The following PCDH15 variants were observed in gnomAD, a reference collection of about 807,000 sequenced individuals.
The protein encoded by PCDH15 is protocadherin related 15, also known as protocadherin-15.
In PCDH15, 129 loss-of-function variants were observed where a neutral mutation model predicts 178.5. That is an observed-to-expected ratio of 0.72 (90% confidence interval 0.63 to 0.84). The LOEUF is 0.84. PCDH15 is among the 40% of genes least tolerant of loss of function. The pLI is 0.00. For missense variants in PCDH15, 2,230 were observed against 2,099.9 expected, an observed-to-expected ratio of 1.06 and a Z score of -1.21; for synonymous variants, 800 against 732.0, an observed-to-expected ratio of 1.09 and a Z score of -1.50.
intron 2 of PCDH15, among the ~76,000 whole-genome samples, chr10:54,946,725 G>A (rs1838208178): frequency 6.6e-6 from 1 of 151,806 alleles, no homozygotes. Flanking sequence ...GTAAATTTAA[G>A]CACTTTACAA....
chr10:53,810,239 G>T (rs1429497758), intron 37 of PCDH15, among the ~76,000 whole-genome samples: 1 of 152,104 alleles, frequency 6.6e-6, no homozygotes, highest in African/African-American at 2.4e-5. Flanking sequence ...AGTAACCTTT[G>T]TATTGCAGAA....
intron 18 of PCDH15, among the ~76,000 whole-genome samples, chr10:54,025,609 C>T (rs1175136322): frequency 6.6e-6 from 1 of 151,820 alleles, no homozygotes; most frequent in African/African-American, 2.4e-5. Flanking sequence ...AGCAATTCTC[C>T]TGCCTCAGCC....
At position 53,866,639 on chromosome 10, in the gene PCDH15, T is replaced by TA. The variant is rs1248401224; in HGVS notation, c.3717+2dup. 3 of 1,612,460 alleles carry TA rather than the reference T, an allele frequency of 1.9e-6. No individual in the cohort carries two copies. In the Admixed American group the frequency reaches 5.0e-5, roughly 27 times the overall value. On this transcript the variant is annotated splice_region_variant and intron_variant, in intron 27 of 37. Transcript: ENST00000644397. ...TCCCTTTCCTGAAGTTTTATCTACT[T>TA]ACGAGTACATCGGCTTTGCCGCTCA...
chr10:53,965,851 CT>C lies in PCDH15; in HGVS notation c.2869-3960del, dbSNP rs533988811. Among the ~76,000 whole-genome samples, 4 of 110,254 alleles carry C rather than the reference CT, an allele frequency of 3.6e-5. No homozygotes were observed. In the Admixed American group the frequency reaches 4.7e-4, roughly 13 times the overall value. 72.3% of individuals were successfully genotyped at this position (110,254 alleles called of 152,430 possible). ...ATAAGTTAATTATACTTAGAATCTT[CT>C]TTTTAATAAAGCCAAAATTTTTTTT... On this transcript the variant is annotated intron_variant, in intron 21 of 37. Coordinates refer to ENST00000644397, the MANE Select transcript of PCDH15 (RefSeq NM_001384140.1).
chr10:55,046,885 A>G lies in PCDH15; in HGVS notation c.-80+119691T>C, dbSNP rs1165942821. Among the ~76,000 whole-genome samples, 9 of 152,136 alleles carry G rather than the reference A, an allele frequency of 5.9e-5. No homozygotes were observed. The East Asian group carries it at 1.7e-3, about 29-fold the overall frequency. On this transcript the variant is annotated intron_variant, in intron 2 of 5. Transcript: ENST00000458638. ...CTCTTATATGACTAGAGTAATATAG[A>G]TCACATCTCAATACATTATTAATTT...
chr10:55,017,125 G>A (rs1840200380), intron 2 of PCDH15, among the ~76,000 whole-genome samples: 1 of 152,070 alleles, frequency 6.6e-6, no homozygotes, highest in Non-Finnish European at 1.5e-5. Context: ...AAGACTGCTG[G>A]CCTTCCCTAT....
intron 2 of PCDH15, among the ~76,000 whole-genome samples, chr10:55,338,327 G>A (rs1844453932): frequency 6.6e-6 from 1 of 152,138 alleles, no homozygotes; most frequent in East Asian, 1.9e-4. Context: ...AATCAACATG[G>A]TGAAGAGATA....
intron 15 of PCDH15, among the ~76,000 whole-genome samples, chr10:54,103,137 A>T (rs1253452569): frequency 6.6e-5 from 10 of 152,216 alleles, no homozygotes; most frequent in Non-Finnish European, 1.3e-4. Flanking sequence ...TCAACTCTGG[A>T]AATTGACTGA....
chr10:54,920,495 A>AT (rs1837460101), intron 2 of PCDH15, among the ~76,000 whole-genome samples: 1 of 147,130 alleles, frequency 6.8e-6, no homozygotes. Flanking sequence ...AAAAAAAAAA[A>AT]TCTCCAGTGT....
intron 1 of PCDH15, among the ~76,000 whole-genome samples, chr10:54,794,225 A>C (rs909680304): frequency 6.0e-5 from 9 of 150,806 alleles, no homozygotes; most frequent in African/African-American, 2.2e-4. Context: ...ACACACAGCA[A>C]TGCTCTTTGC....
At chr10:54,592,246 A>T (rs1442613032) in intron 2 of PCDH15, among the ~76,000 whole-genome samples, 2 of 152,124 alleles carry the variant, frequency 1.3e-5, no homozygotes, top group Non-Finnish European at 2.9e-5. Context: ...TGTAGAGCTC[A>T]CGTTTCCTTG....
In PCDH15 at chr10:55,506,977, C is replaced by T. The variant is rs188054324; in HGVS notation, c.-156+120648G>A. Among the ~76,000 whole-genome samples the T allele has an allele frequency of 4.0e-5, 6 of 151,362 alleles. No homozygotes were observed. The Admixed American group carries it at 4.0e-4, about 10-fold the overall frequency. On this transcript the variant is annotated intron_variant, in intron 2 of 5. Transcript: ENST00000613346. ...AAATAGTAACATAGCTCATAAAAAA[C>T]GTGGAATATTTGTTAAATTAAGATT...
chr10:53,909,020 T>C (rs1204136672), intron 25 of PCDH15, among the ~76,000 whole-genome samples: 2 of 152,220 alleles, frequency 1.3e-5, no homozygotes, highest in African/African-American at 2.4e-5. Flanking sequence ...ACATAGTAGG[T>C]GATATGGTTT....
chr10:55,148,616 G>A (rs1383494539), intron 2 of PCDH15, among the ~76,000 whole-genome samples: 1 of 151,670 alleles, frequency 6.6e-6, no homozygotes, highest in African/African-American at 2.4e-5. Context: ...ACAATTAAAT[G>A]TAAGTTACAG....
chr10:55,402,680 T>G (rs1838100272), intron 2 of PCDH15, among the ~76,000 whole-genome samples: 1 of 152,044 alleles, frequency 6.6e-6, no homozygotes, highest in Non-Finnish European at 1.5e-5. Context: ...TGAATAAAAT[T>G]TCATCATGTA....
chr10:55,452,561 CA>C (rs1378230093), intron 2 of PCDH15, among the ~76,000 whole-genome samples: 1 of 152,060 alleles, frequency 6.6e-6, no homozygotes, highest in Non-Finnish European at 1.5e-5. Flanking sequence ...AGAAAATAAT[CA>C]AAATGCATTT....
intron 3 of PCDH15, among the ~76,000 whole-genome samples, chr10:54,480,304 T>C (rs377130114): frequency 1.3e-5 from 2 of 152,166 alleles, no homozygotes; most frequent in Admixed American, 6.6e-5. Context: ...AGGAGACATT[T>C]AGTAGTTAAG....
chr10:54,310,615 C>T (rs2060843426), intron 8 of PCDH15, among the ~76,000 whole-genome samples: 1 of 151,732 alleles, frequency 6.6e-6, no homozygotes, highest in South Asian at 2.1e-4. Context: ...CAGAAAAAGA[C>T]GAGAAATTCA....
chr10:54,351,346 G>T (rs991155883), intron 5 of PCDH15, among the ~76,000 whole-genome samples: 1 of 152,064 alleles, frequency 6.6e-6, no homozygotes, highest in Non-Finnish European at 1.5e-5. Flanking sequence ...CAAAAACAGA[G>T]TGTTAGTAGT....
Sources: gnomAD v4.1 joint callset for allele counts (sites outside exome capture counted in the v4.1 genomes callset) on GRCh38, gnomAD v4.1.1 for gene constraint, MANE v1.5 for transcripts, NCBI Gene and HGNC (gene_info 2026-07-23, HGNC 2026-07-21) for gene names.